RNF38: variants seen among roughly 807,000 people sequenced by gnomAD.
The protein encoded by RNF38 is E3 ubiquitin-protein ligase RNF38.
In RNF38, 15 loss-of-function variants were observed where a neutral mutation model predicts 67.2. The ratio of observed to expected loss-of-function variants is 0.22; its 90% CI spans 0.15 to 0.34. The LOEUF (loss-of-function observed/expected upper bound fraction) is 0.34. Ranked by LOEUF, RNF38 falls within the 10% of genes least tolerant of loss-of-function variation. The pLI is 1.00. For synonymous variants in RNF38, 220 were observed against 218.8 expected, an observed-to-expected ratio of 1.01 and a Z score of -0.05; for missense variants, 524 against 639.9, an observed-to-expected ratio of 0.82 and a Z score of 1.95.
chr9:36,399,666 G>C (rs764685844), intron 1 of RNF38, among the ~76,000 whole-genome samples: 1 of 151,834 alleles, frequency 6.6e-6, no homozygotes, highest in Non-Finnish European at 1.5e-5. Flanking sequence ...ACATCTATAT[G>C]TATGTGGTTT....
At chr9:36,391,761 C>A (rs546019757) in intron 1 of RNF38, among the ~76,000 whole-genome samples, 32 of 151,958 alleles carry the variant, frequency 2.1e-4, no homozygotes, top group African/African-American at 7.5e-4. Flanking sequence ...CTACAGGCGC[C>A]CGCCACCCCG....
At chr9:36,397,302 C>T (rs998730804) in intron 1 of RNF38, among the ~76,000 whole-genome samples, 28 of 151,986 alleles carry the variant, frequency 1.8e-4, no homozygotes, top group African/African-American at 6.8e-4. Context: ...TTAGTAGAGA[C>T]AGGATTTCAT....
intron 4 of RNF38, among the ~76,000 whole-genome samples, chr9:36,358,409 C>T (rs550082129): frequency 1.9e-4 from 29 of 152,324 alleles, no homozygotes; most frequent in African/African-American, 6.3e-4. Flanking sequence ...CAGAGGCAAA[C>T]GATGCTGATA....
chr9:36,448,642 T>C (rs1216851570), intron 1 of RNF38, among the ~76,000 whole-genome samples: 1 of 152,038 alleles, frequency 6.6e-6, no homozygotes, highest in Non-Finnish European at 1.5e-5. Flanking sequence ...AGCTCTGAAA[T>C]TCAAAGTTCT....
chr9:36,485,255 AT>A (rs1004018551), intron 1 of RNF38, among the ~76,000 whole-genome samples: 1 of 151,384 alleles, frequency 6.6e-6, no homozygotes, highest in Non-Finnish European at 1.5e-5. Flanking sequence ...GCATTCTTGT[AT>A]TTTTTTCATA....
chr9:36,452,234 C>G (rs1839468734), intron 1 of RNF38, among the ~76,000 whole-genome samples: 1 of 152,068 alleles, frequency 6.6e-6, no homozygotes, highest in South Asian at 2.1e-4. Context: ...TTTAAAAAAA[C>G]TTTAAAATGT....
intron 6 of RNF38, 126 bp from the exon 7 acceptor site, chr9:36,353,457 T>G: frequency 1.8e-6 from 1 of 545,558 alleles, no homozygotes; most frequent in Non-Finnish European, 3.0e-6. Context: ...ATGCATCTCT[T>G]GATATTCACA....
intron 1 of RNF38, among the ~76,000 whole-genome samples, chr9:36,461,297 C>CTA (rs1270866565): frequency 7.9e-5 from 12 of 152,076 alleles, no homozygotes; most frequent in Admixed American, 7.9e-4. Flanking sequence ...AAGCTGTATG[C>CTA]TATAAAGGAA....
At chr9:36,439,609 A>C (rs1052766154) in intron 1 of RNF38, among the ~76,000 whole-genome samples, 7 of 152,030 alleles carry the variant, frequency 4.6e-5, no homozygotes, top group Admixed American at 4.6e-4. Flanking sequence ...GTTAAAGACT[A>C]GCCTGACCAA....
At chr9:36,400,023 G>A (rs1837882118) in intron 1 of RNF38, 74 bp downstream of exon 1, 2 of 1,349,258 alleles carry the variant, frequency 1.5e-6, no homozygotes, top group South Asian at 1.2e-5. Flanking sequence ...TCTACTTACG[G>A]TAGAATTAGC....
chr9:36,480,451 C>T (rs1413827916), intron 1 of RNF38, among the ~76,000 whole-genome samples: 3 of 151,898 alleles, frequency 2.0e-5, no homozygotes, highest in African/African-American at 7.3e-5. Context: ...GCAGAATGGA[C>T]AGCCAACTTT....
At chr9:36,374,655 A>G (rs1266454562) in intron 3 of RNF38, among the ~76,000 whole-genome samples, 1 of 152,110 alleles carries the variant, frequency 6.6e-6, no homozygotes, top group Non-Finnish European at 1.5e-5. Flanking sequence ...ACAGCTGGCT[A>G]ATTTTTTGCA....
intron 1 of RNF38, among the ~76,000 whole-genome samples, chr9:36,439,776 G>A (rs1251708257): frequency 7.3e-6 from 1 of 136,120 alleles, no homozygotes; most frequent in Non-Finnish European, 1.5e-5. Context: ...GGGCAGCACA[G>A]TGAGACTCTG....
chr9:36,370,775 G>T (rs934142641), intron 3 of RNF38, among the ~76,000 whole-genome samples: 1 of 152,010 alleles, frequency 6.6e-6, no homozygotes, highest in Non-Finnish European at 1.5e-5. Context: ...GGGCGTGGTG[G>T]TGTGCACCTA....
At chr9:36,399,125 T>A (rs1381191986) in intron 1 of RNF38, among the ~76,000 whole-genome samples, 4 of 152,248 alleles carry the variant, frequency 2.6e-5, no homozygotes, top group Non-Finnish European at 5.9e-5. Context: ...TAGGTTATTT[T>A]AGTAGAGAAA....
At chr9:36,450,963 G>C (rs1274095651) in intron 1 of RNF38, among the ~76,000 whole-genome samples, 2 of 152,324 alleles carry the variant, frequency 1.3e-5, no homozygotes, top group East Asian at 3.9e-4. Context: ...CCTAATGACA[G>C]AACAGAACTC....
intron 2 of RNF38, among the ~76,000 whole-genome samples, chr9:36,416,455 C>T (rs1282875703): frequency 1.3e-5 from 2 of 152,106 alleles, no homozygotes; most frequent in African/African-American, 2.4e-5. Context: ...TACAAAAGCC[C>T]CTGCTGAGAA....
At chr9:36,355,991 C>T (rs568302012) in intron 6 of RNF38, among the ~76,000 whole-genome samples, 1 of 152,194 alleles carries the variant, frequency 6.6e-6, no homozygotes, top group South Asian at 2.1e-4. Flanking sequence ...GAATTACAGG[C>T]ACGTGCCACA....
At chr9:36,400,415 C>G, upstream of RNF38, 1 of 1,120,052 alleles carries the variant, frequency 8.9e-7, no homozygotes, top group Non-Finnish European at 1.1e-6. Context: ...ACCGCGCCTC[C>G]TCGCCACCGC....
Sources: gnomAD v4.1 joint callset for allele counts (sites outside exome capture counted in the v4.1 genomes callset) on GRCh38, gnomAD v4.1.1 for gene constraint, MANE v1.5 for transcripts, NCBI Gene and HGNC (gene_info 2026-07-23, HGNC 2026-07-21) for gene names.